The following BCAS3 variants were observed in gnomAD, a reference collection of about 807,000 sequenced individuals.
The protein encoded by BCAS3 is BCAS3 microtubule associated cell migration factor, also known as BCAS4/BCAS3 fusion.
In BCAS3, 53 loss-of-function variants were observed where a neutral mutation model predicts 116.1. That is an observed-to-expected ratio of 0.46 (90% CI 0.37 to 0.57). BCAS3 has a LOEUF of 0.57. Among genes scored for constraint, BCAS3 ranks in the 20% least tolerant of loss-of-function variants. BCAS3 has a pLI of 0.00. For missense variants in BCAS3, 917 were observed against 1,165.4 expected (o/e 0.79, Z 3.10); for synonymous variants, 391 against 408.2 (o/e 0.96, Z 0.51).
At chr17:60,912,215 G>C (rs540674808) in intron 12 of BCAS3, among the ~76,000 whole-genome samples, 2 of 152,212 alleles carry the variant, frequency 1.3e-5, no homozygotes, top group South Asian at 4.1e-4. Context: ...CCTAGAATGA[G>C]ATAGGAGTAG....
In BCAS3 at chr17:61,140,445, G is replaced by A. The variant is rs552725946; in HGVS notation, c.2425+55881G>A. Among the ~76,000 whole-genome samples the A allele has an allele frequency of 3.3e-5, 5 of 152,320 alleles. No homozygotes were observed. In the South Asian group the frequency reaches 8.3e-4, roughly 25 times the overall value. On this transcript the variant is annotated intron_variant, in intron 22 of 23. Transcript: ENST00000407086. This position sits in a 1 kb window ranked among gnomAD's most constrained non-coding sequence, Gnocchi z 4.2. ...AAGAGATGGAAGGTTTTGAGTTGGG[G>A]AAAAGTATTCTGGCAGCAGGATTGA...
intron 22 of BCAS3, among the ~76,000 whole-genome samples, chr17:61,306,851 A>G (rs1161329808): frequency 1.3e-5 from 2 of 152,244 alleles, no homozygotes; most frequent in Non-Finnish European, 2.9e-5. Flanking sequence ...CTAAGCCTAG[A>G]GGTACTATTA....
intron 22 of BCAS3, among the ~76,000 whole-genome samples, chr17:61,330,140 T>C (rs1050967724): frequency 2.0e-5 from 3 of 152,200 alleles, no homozygotes; most frequent in Non-Finnish European, 2.9e-5. Context: ...CTAGTTCTTT[T>C]CATAGGCTGA....
chr17:61,101,294 T>C (rs1386041945), intron 22 of BCAS3, among the ~76,000 whole-genome samples: 1 of 152,126 alleles, frequency 6.6e-6, no homozygotes, highest in African/African-American at 2.4e-5. Context: ...AAAGCCACTC[T>C]CAATCAGGTA....
chr17:61,087,019 AAGTC>A lies in BCAS3; in HGVS notation c.2425+2456_2425+2459del, dbSNP rs1293287394. The A allele has an allele frequency of 2.0e-6, 2 of 985,160 alleles. No individual in the cohort carries two copies. The highest frequency in any genetic ancestry group is 2.4e-6 in the Non-Finnish European group (2 of 829,740). 61.0% of individuals were successfully genotyped at this position (985,160 alleles called of 1,614,324 possible). The stretch of plus-strand genomic sequence containing the variant: ...CTAGGCTAACAAAAATCAAGGTAGC[AAGTC>A]TAACGAAATCGAGGCTAAATAATTT... On this transcript the variant is annotated intron_variant, in intron 22 of 23. Transcript: ENST00000407086. This position sits in a 1 kb window ranked among gnomAD's most constrained non-coding sequence, Gnocchi z 4.6.
rs997312157 is a variant in BCAS3, at chr17:61,256,979, T to TA, written c.2426-111339dup. Among the ~76,000 whole-genome samples, 23 of 151,886 alleles carry TA rather than the reference T, an allele frequency of 1.5e-4. No individual in the cohort carries two copies. Among genetic ancestry groups the TA allele is most frequent in the African/African-American group, 4.4e-4 (18 of 41,358 alleles). Reference sequence around the variant, plus strand: ...CTACCAAAATCAAGATTTTTGGATTTAAAAAAAAATTTACATTATGCTTTT... The same window carrying TA: ...CTACCAAAATCAAGATTTTTGGATTTAAAAAAAAAATTTACATTATGCTTTT... On this transcript the variant is annotated intron_variant, in intron 22 of 23. Transcript: ENST00000407086. The surrounding 1 kb of genome is among the most constrained non-coding windows in gnomAD (Gnocchi z 5.6).
intron 7 of BCAS3, among the ~76,000 whole-genome samples, chr17:60,854,756 A>G (rs2144822367): frequency 6.6e-6 from 1 of 152,258 alleles, no homozygotes; most frequent in South Asian, 2.1e-4. Flanking sequence ...GGGACGGTAA[A>G]CTAGTTCAGC....
chr17:61,169,790 C>A (rs2078727319), intron 22 of BCAS3, among the ~76,000 whole-genome samples: 1 of 152,134 alleles, frequency 6.6e-6, no homozygotes, highest in South Asian at 2.1e-4. Context: ...TTTTACTTAT[C>A]TCATGTAAAA....
chr17:61,324,458 T>C lies in BCAS3; in HGVS notation c.2426-43869T>C, dbSNP rs886257231. 2.0e-5 allele frequency among the ~76,000 whole-genome samples: 3 copies of C among 152,186 alleles called. No individual in the cohort carries two copies. Among genetic ancestry groups the C allele is most frequent in the Non-Finnish European group, 2.9e-5 (2 of 68,024 alleles). On this transcript the variant is annotated intron_variant, in intron 22 of 23. Transcript: ENST00000407086. The surrounding 1 kb of genome is among the most constrained non-coding windows in gnomAD (Gnocchi z 4.6). ...AGTATTAATATATGTACATGTAATA[T>C]TTGTGTGCGTTTAATCCCAGTTCTA...
chr17:61,329,343 A>ATTATTATTATT (rs1555831750), intron 22 of BCAS3, among the ~76,000 whole-genome samples: 4 of 131,280 alleles, frequency 3.0e-5, no homozygotes, highest in African/African-American at 1.2e-4. Flanking sequence ...TATTATTATT[A>ATTATTATTATT]TTTTTTTTTT....
chr17:60,853,615 A>G (rs1034800000), intron 7 of BCAS3, among the ~76,000 whole-genome samples: 1 of 152,228 alleles, frequency 6.6e-6, no homozygotes, highest in Non-Finnish European at 1.5e-5. Context: ...ACATTTTTAT[A>G]TCTAGCCTTC....
intron 7 of BCAS3, among the ~76,000 whole-genome samples, chr17:60,853,612 T>C (rs1182918216): frequency 1.3e-5 from 2 of 152,260 alleles, no homozygotes; most frequent in African/African-American, 2.4e-5. Context: ...GTAACATTTT[T>C]ATATCTAGCC....
chr17:60,814,298 T>TGCGCGCGCAC (rs778722592), intron 7 of BCAS3, among the ~76,000 whole-genome samples: 5 of 115,112 alleles, frequency 4.3e-5, no homozygotes, highest in African/African-American at 2.8e-4. Flanking sequence ...TGTGTGTGTG[T>TGCGCGCGCAC]GTGTGTGTGC....
At chr17:61,299,669 G>T (rs904326235) in intron 22 of BCAS3, among the ~76,000 whole-genome samples, 1 of 152,120 alleles carries the variant, frequency 6.6e-6, no homozygotes, top group Non-Finnish European at 1.5e-5. Context: ...AGCCAGAGAG[G>T]TTTAGTTGCT....
chr17:61,134,289 A>G lies in BCAS3; in HGVS notation c.2425+49725A>G, dbSNP rs1601494793. ...ACACTTGTTGATTTTTTAAAAATCA[A>G]CTGTTAGGCACTGTGCTCAGACTTT... On this transcript the variant is annotated intron_variant, in intron 22 of 23. Coordinates refer to ENST00000407086, the MANE Select transcript of BCAS3 (RefSeq NM_017679.5). This position sits in a 1 kb window ranked among gnomAD's most constrained non-coding sequence, Gnocchi z 4.6. 6.6e-6 allele frequency among the ~76,000 whole-genome samples: 1 copy of G among 152,160 alleles called. No homozygotes were observed. The highest frequency in any genetic ancestry group is 1.5e-5 in the Non-Finnish European group (1 of 68,030).
intron 4 of BCAS3, among the ~76,000 whole-genome samples, chr17:60,694,043 G>T (rs530587529): frequency 1.3e-5 from 2 of 150,902 alleles, no homozygotes; most frequent in East Asian, 4.0e-4. Context: ...CTGCCACCAT[G>T]CCCGGCTAAT....
rs118109688 is a variant in BCAS3 at position 60,950,539 on chromosome 17, C to T, written c.1221+3187C>T. On this transcript the variant is annotated intron_variant, in intron 14 of 23. Transcript: ENST00000407086. ...GTCTCGCTGTGTTGCCCAGGCTAGT[C>T]TTGAACTCCTGGGTTACCACCTGGG... Among the ~76,000 whole-genome samples the T allele has an allele frequency of 3.6e-3, 541 of 152,284 alleles. 1 individual carries two copies. Among genetic ancestry groups the T allele is most frequent in the Non-Finnish European group, 6.3e-3 (428 of 68,024 alleles).
At chr17:60,799,100 G>A (rs1249851404) in intron 6 of BCAS3, among the ~76,000 whole-genome samples, 1 of 152,006 alleles carries the variant, frequency 6.6e-6, no homozygotes, top group Non-Finnish European at 1.5e-5. Context: ...CTAGTCTGTA[G>A]CTTGTCTTCT....
At chr17:60,711,793 T>C (rs917645186) in intron 5 of BCAS3, among the ~76,000 whole-genome samples, 1 of 152,066 alleles carries the variant, frequency 6.6e-6, no homozygotes, top group African/African-American at 2.4e-5. Context: ...AGGCTGACGC[T>C]TGTAATCCCA....
Sources: gnomAD v4.1 joint callset for allele counts (sites outside exome capture counted in the v4.1 genomes callset) on GRCh38, gnomAD v4.1.1 for gene constraint, Gnocchi (gnomAD v3.1) non-coding constraint, MANE v1.5 for transcripts, NCBI Gene and HGNC (gene_info 2026-07-23, HGNC 2026-07-21) for gene names.